MAP3K20: variants seen among roughly 807,000 people sequenced by gnomAD.
MAP3K20 encodes HCCS-4.
Under a neutral mutation model 85.7 loss-of-function variants are expected in MAP3K20, and 40 were observed. The ratio of observed to expected loss-of-function variants is 0.47; its 90% confidence interval spans 0.36 to 0.61. The LOEUF (loss-of-function observed/expected upper bound fraction) is 0.61. Among genes scored for constraint, MAP3K20 ranks in the 20% least tolerant of loss-of-function variants. The pLI, the probability that MAP3K20 is intolerant of heterozygous loss-of-function variation, is 0.00. For missense variants in MAP3K20, 817 were observed against 961.7 expected (o/e 0.85, Z 1.99); for synonymous variants, 325 against 327.7 (o/e 0.99, Z 0.09).
intron 7 of MAP3K20, among the ~76,000 whole-genome samples, chr2:173,195,282 A>G (rs1219261712): frequency 6.6e-6 from 1 of 151,816 alleles, no homozygotes; most frequent in South Asian, 2.1e-4. Flanking sequence ...TTGAAAACAT[A>G]GTGGCTTAAG....
intron 9 of MAP3K20, chr2:173,209,513 ATC>A (rs1683806816): frequency 1.0e-5 from 4 of 390,198 alleles, no homozygotes; most frequent in Non-Finnish European, 1.8e-5. Flanking sequence ...CAGCATCTGA[ATC>A]TCTCCTTGTG....
chr2:173,213,310 G>A (rs758426740), intron 10 of MAP3K20, among the ~76,000 whole-genome samples: 9 of 152,156 alleles, frequency 5.9e-5, no homozygotes, highest in East Asian at 1.9e-4. Context: ...AGTAAAAGGC[G>A]TACAGTTGCC....
chr2:173,241,096 G>A (rs1482470965), intron 16 of MAP3K20, among the ~76,000 whole-genome samples: 4 of 152,206 alleles, frequency 2.6e-5, no homozygotes, highest in African/African-American at 2.4e-5. Flanking sequence ...AAGCATAGCA[G>A]GGGAGGGCAA....
chr2:173,226,725 T>C (rs1453675804), intron 11 of MAP3K20: 6 of 985,730 alleles, frequency 6.1e-6, no homozygotes, highest in Non-Finnish European at 7.2e-6. Context: ...GTGTGCAGAA[T>C]AGTATATCTT....
intron 5 of MAP3K20, among the ~76,000 whole-genome samples, chr2:173,188,199 G>A (rs1283693331): frequency 6.6e-6 from 1 of 151,992 alleles, no homozygotes; most frequent in Non-Finnish European, 1.5e-5. Context: ...GCTTATTTAT[G>A]GCCCTGTATC....
chr2:173,105,387 C>T (rs953455999), intron 2 of MAP3K20, among the ~76,000 whole-genome samples: 4 of 152,034 alleles, frequency 2.6e-5, no homozygotes, highest in African/African-American at 7.2e-5. Context: ...GAAAGATGTG[C>T]GTGGGCGCAA....
chr2:173,116,256 ATACT>A (rs749399038), intron 2 of MAP3K20, among the ~76,000 whole-genome samples: 14 of 152,216 alleles, frequency 9.2e-5, no homozygotes, highest in Non-Finnish European at 1.8e-4. Context: ...TTTATCCCAC[ATACT>A]TACGATAGAT....
intron 1 of MAP3K20, among the ~76,000 whole-genome samples, chr2:173,086,220 G>C (rs992437076): frequency 7.9e-5 from 12 of 152,092 alleles, no homozygotes; most frequent in African/African-American, 2.9e-4. Flanking sequence ...GAATACATTT[G>C]AAAAATTAGA....
chr2:173,075,629 G>A, upstream of MAP3K20: 1 of 553,100 alleles, frequency 1.8e-6, no homozygotes, highest in Non-Finnish European at 2.3e-6. Context: ...TGCTGGGGGC[G>A]AGGGGGAACA....
intron 19 of MAP3K20, among the ~76,000 whole-genome samples, chr2:173,264,603 TAAACTAATTA>T (rs1300327851): frequency 1.3e-5 from 2 of 152,174 alleles, no homozygotes; most frequent in Non-Finnish European, 2.9e-5. Flanking sequence ...ACATCTGACT[TAAACTAATTA>T]AAGTCGATCC....
intron 11 of MAP3K20, 80 bp from the exon 12 acceptor site, chr2:173,229,609 A>G (rs1574138804): frequency 2.5e-6 from 4 of 1,582,536 alleles, no homozygotes; most frequent in East Asian, 2.2e-5. Flanking sequence ...GAGAGCTGAA[A>G]GAGTGAGACA....
intron 11 of MAP3K20, chr2:173,226,859 TG>T (rs1327508080): frequency 8.6e-5 from 85 of 984,902 alleles, no homozygotes; most frequent in East Asian, 1.1e-4. Context: ...ATCACTTTAT[TG>T]TTTTTTTAAC....
chr2:173,103,109 A>C (rs1017083403), intron 2 of MAP3K20, among the ~76,000 whole-genome samples: 1 of 152,196 alleles, frequency 6.6e-6, no homozygotes, highest in African/African-American at 2.4e-5. Context: ...TATTTTAATC[A>C]CTTGGTGGCT....
At chr2:173,111,020 C>T (rs371615262) in intron 2 of MAP3K20, among the ~76,000 whole-genome samples, 40 of 152,274 alleles carry the variant, frequency 2.6e-4, no homozygotes, top group South Asian at 1.0e-3. Flanking sequence ...TCTTCCATAG[C>T]GGCTGTACTA....
chr2:173,141,500 A>T (rs1688970311), intron 2 of MAP3K20, among the ~76,000 whole-genome samples: 1 of 152,210 alleles, frequency 6.6e-6, no homozygotes, highest in African/African-American at 2.4e-5. Context: ...ATATGTGAAG[A>T]CAGATTAATA....
At chr2:173,260,413 C>T (rs1411611116) in intron 17 of MAP3K20, among the ~76,000 whole-genome samples, 1 of 152,106 alleles carries the variant, frequency 6.6e-6, no homozygotes, top group East Asian at 1.9e-4. Context: ...TTTCTTTGAA[C>T]CCAGCTCACA....
intron 2 of MAP3K20, among the ~76,000 whole-genome samples, chr2:173,164,029 G>A (rs928495886): frequency 1.3e-5 from 2 of 151,332 alleles, no homozygotes; most frequent in Admixed American, 6.6e-5. Context: ...GTGCAATCTC[G>A]GCTCACTGCA....
At chr2:173,151,640 A>G (rs567023241) in intron 2 of MAP3K20, among the ~76,000 whole-genome samples, 2 of 152,216 alleles carry the variant, frequency 1.3e-5, no homozygotes, top group East Asian at 1.9e-4. Context: ...ATGTACATCT[A>G]TGTGATTTTG....
At chr2:173,215,787 G>C (rs1162311255) in intron 10 of MAP3K20, 8 of 152,200 alleles carry the variant, frequency 5.3e-5, no homozygotes, top group African/African-American at 1.9e-4. Context: ...ATCTGTAAGA[G>C]CATTGGAATG....
Sources: gnomAD v4.1 joint callset for allele counts (sites outside exome capture counted in the v4.1 genomes callset) on GRCh38, gnomAD v4.1.1 for gene constraint, MANE v1.5 for transcripts, NCBI Gene and HGNC (gene_info 2026-07-23, HGNC 2026-07-21) for gene names.